The following GPR158 variants were observed in gnomAD, a reference collection of about 807,000 sequenced individuals.
GPR158 encodes metabotropic glycine receptor.
In GPR158, 30 loss-of-function variants were observed where a neutral mutation model predicts 78.2. That is an observed-to-expected ratio of 0.38 (90% CI 0.29 to 0.52). The LOEUF (loss-of-function observed/expected upper bound fraction) is 0.52, where lower values mean the gene tolerates loss of function less well. Among genes scored for constraint, GPR158 ranks in the 20% least tolerant of loss-of-function variants. GPR158 has a pLI of 0.83. For missense variants in GPR158, 1,463 were observed against 1,523.5 expected, an observed-to-expected ratio of 0.96 and a Z score of 0.66; for synonymous variants, 581 against 591.1, an observed-to-expected ratio of 0.98 and a Z score of 0.25.
chr10:25,240,812 C>T (rs575806321), intron 2 of GPR158, among the ~76,000 whole-genome samples: 1 of 152,194 alleles, frequency 6.6e-6, no homozygotes, highest in African/African-American at 2.4e-5. Flanking sequence ...AGTAGAGCTA[C>T]CTTTTGGAAG....
intron 2 of GPR158, among the ~76,000 whole-genome samples, chr10:25,241,249 C>CCTTCCTTTCCTTCCTTT (rs1853611668): frequency 1.0e-5 from 1 of 99,856 alleles, no homozygotes; most frequent in African/African-American, 4.1e-5. Flanking sequence ...TCCTTTCTTT[C>CCTTCCTTTCCTTCCTTT]CTTTCTTTCC....
chr10:25,395,191 C>T (rs1012353248), intron 2 of GPR158, among the ~76,000 whole-genome samples: 5 of 151,890 alleles, frequency 3.3e-5, no homozygotes, highest in Non-Finnish European at 7.4e-5. Flanking sequence ...TATCCTTGAC[C>T]CTTGAAAGAA....
chr10:25,434,082 A>C (rs951243982), intron 4 of GPR158, among the ~76,000 whole-genome samples: 1 of 152,078 alleles, frequency 6.6e-6, no homozygotes, highest in African/African-American at 2.4e-5. Context: ...TGGCGGCGTG[A>C]ACCCTGGAGG....
chr10:25,271,010 T>C (rs2491198), intron 2 of GPR158, among the ~76,000 whole-genome samples: 99,482 of 152,148 alleles, frequency 0.65, 33,623 homozygotes, highest in East Asian at 0.86. Context: ...TCTCATACTT[T>C]GTAGATATTC....
intron 5 of GPR158, among the ~76,000 whole-genome samples, chr10:25,512,462 G>A (rs79167644): frequency 0.037 from 5,580 of 152,054 alleles, 361 homozygotes; most frequent in African/African-American, 0.13. Flanking sequence ...TTTGTATACT[G>A]TCATATCATC....
chr10:25,558,365 T>C (rs1836813298), intron 6 of GPR158, among the ~76,000 whole-genome samples: 2 of 152,242 alleles, frequency 1.3e-5, no homozygotes, highest in Non-Finnish European at 2.9e-5. Context: ...TCAAATCTTG[T>C]ATACCCTCAA....
chr10:25,591,011 T>G (rs1017240734), intron 8 of GPR158, among the ~76,000 whole-genome samples: 5 of 152,126 alleles, frequency 3.3e-5, no homozygotes, highest in African/African-American at 1.2e-4. Context: ...AAATGAATCT[T>G]TTAAAAGTTT....
At chr10:25,355,471 A>T (rs1431085110) in intron 2 of GPR158, among the ~76,000 whole-genome samples, 2 of 152,064 alleles carry the variant, frequency 1.3e-5, no homozygotes, top group South Asian at 4.1e-4. Context: ...TAAAAGTGCT[A>T]TTTTGAATTC....
intron 6 of GPR158, among the ~76,000 whole-genome samples, chr10:25,563,221 T>C (rs1836881100): frequency 6.6e-6 from 1 of 152,314 alleles, no homozygotes; most frequent in Non-Finnish European, 1.5e-5. Flanking sequence ...CTTCTACCAT[T>C]TCTACCTTTT....
intron 4 of GPR158, among the ~76,000 whole-genome samples, chr10:25,460,233 G>T (rs1835339960): frequency 6.9e-6 from 1 of 145,444 alleles, no homozygotes; most frequent in Non-Finnish European, 1.5e-5. Flanking sequence ...ATGGAGTCTT[G>T]CTCTGTTGCC....
At position 25,285,349 on chromosome 10, in the gene GPR158, T is replaced by C. The variant is rs566939679; in HGVS notation, c.1008+64192T>C. ...ATCTAGCATCTGAGAGGAGATTTAG[T>C]GGGGGGATTGGCTCATGTGATTATG... On this transcript the variant is annotated intron_variant, in intron 2 of 10. Transcript: ENST00000376351. Among the ~76,000 whole-genome samples the C allele has an allele frequency of 1.5e-3, 230 of 152,076 alleles. 1 individual carries two copies. Among genetic ancestry groups the C allele is most frequent in the Middle Eastern group, 6.8e-3 (2 of 294 alleles).
chr10:25,354,441 A>T (rs992470844), intron 2 of GPR158, among the ~76,000 whole-genome samples: 1 of 151,746 alleles, frequency 6.6e-6, no homozygotes, highest in Admixed American at 6.6e-5. Context: ...AATGAAAAAA[A>T]CTCTCTACAC....
chr10:25,306,136 T>C (rs1338121694), intron 2 of GPR158, among the ~76,000 whole-genome samples: 2 of 152,200 alleles, frequency 1.3e-5, no homozygotes, highest in African/African-American at 4.8e-5. Flanking sequence ...CTTGCTAATC[T>C]GTTATCTCTC....
chr10:25,308,969 G>A (rs1210624429), intron 2 of GPR158, among the ~76,000 whole-genome samples: 1 of 152,128 alleles, frequency 6.6e-6, no homozygotes, highest in African/African-American at 2.4e-5. Flanking sequence ...GGACACTTGG[G>A]TTGTTTCCAT....
At chr10:25,234,062 C>T (rs981114185) in intron 2 of GPR158, among the ~76,000 whole-genome samples, 1 of 152,016 alleles carries the variant, frequency 6.6e-6, no homozygotes. Flanking sequence ...GACATAACCC[C>T]CATAAATCAA....
chr10:25,209,249 G>C (rs996734437), intron 1 of GPR158, among the ~76,000 whole-genome samples: 1 of 152,130 alleles, frequency 6.6e-6, no homozygotes, highest in African/African-American at 2.4e-5. Flanking sequence ...TTTGACTACT[G>C]TTAGATCTAT....
intron 2 of GPR158, among the ~76,000 whole-genome samples, chr10:25,267,924 A>G (rs1160953095): frequency 6.6e-6 from 1 of 152,148 alleles, no homozygotes; most frequent in African/African-American, 2.4e-5. Flanking sequence ...ATATTTTACA[A>G]AAATTAGTTT....
intron 2 of GPR158, among the ~76,000 whole-genome samples, chr10:25,338,119 T>C (rs965738266): frequency 4.0e-5 from 6 of 151,726 alleles, no homozygotes; most frequent in Non-Finnish European, 8.8e-5. Context: ...AGGTTTTGGT[T>C]TAGTGAAGTC....
At chr10:25,507,463 G>A (rs1381373437) in intron 5 of GPR158, among the ~76,000 whole-genome samples, 1 of 152,178 alleles carries the variant, frequency 6.6e-6, no homozygotes, top group Admixed American at 6.5e-5. Flanking sequence ...GAGCCCAAAT[G>A]TATATGCAAC....
Sources: gnomAD v4.1 joint callset for allele counts (sites outside exome capture counted in the v4.1 genomes callset) on GRCh38, gnomAD v4.1.1 for gene constraint, MANE v1.5 for transcripts, NCBI Gene and HGNC (gene_info 2026-07-23, HGNC 2026-07-21) for gene names.